Variants in VGLL4 observed in about 807,000 individuals in gnomAD.
The protein encoded by VGLL4 is transcription cofactor vestigial-like protein 4.
VGLL4 carries 7 observed loss-of-function variants against 21.0 expected under a neutral mutation model. The ratio of observed to expected loss-of-function variants is 0.33; its 90% CI spans 0.19 to 0.63. The LOEUF (loss-of-function observed/expected upper bound fraction) is 0.63, where lower values mean the gene tolerates loss of function less well. Ranked by LOEUF, VGLL4 falls within the 20% of genes least tolerant of loss-of-function variation. VGLL4 has a pLI of 0.78. For synonymous variants in VGLL4, 222 were observed against 173.2 expected (o/e 1.28, Z -2.21); for missense variants, 394 against 425.7 (o/e 0.93, Z 0.66).
chr3:11,673,674 C>T (rs2076247649), intron 2 of VGLL4, among the ~76,000 whole-genome samples: 1 of 152,104 alleles, frequency 6.6e-6, no homozygotes, highest in South Asian at 2.1e-4. Flanking sequence ...AACAGAAGAT[C>T]CCAACAGTTT....
intron 2 of VGLL4, among the ~76,000 whole-genome samples, chr3:11,600,080 G>C (rs73025160): frequency 0.11 from 16,428 of 152,070 alleles, 1,166 homozygotes; most frequent in East Asian, 0.25. Context: ...ATCATAACCA[G>C]TATCTGAACA....
chr3:11,622,163 A>C lies in VGLL4; in HGVS notation c.83-20141T>G, dbSNP rs558475597. On this transcript the variant is annotated intron_variant, in intron 1 of 4. Transcript: ENST00000430365. ...GGTACCAACAAGAAACCTTTACAAA[A>C]ACCTAACCTTCATCTTACATCTTTT... is the stretch of plus-strand genomic sequence containing the variant. 4.6e-5 allele frequency among the ~76,000 whole-genome samples: 7 copies of C among 152,320 alleles called. No homozygotes were observed. In the South Asian group the frequency reaches 1.5e-3, roughly 32 times the overall value.
At chr3:11,705,376 G>A (rs1191924891) in intron 1 of VGLL4, among the ~76,000 whole-genome samples, 1 of 152,208 alleles carries the variant, frequency 6.6e-6, no homozygotes, top group African/African-American at 2.4e-5. Flanking sequence ...GGCAGGCAGA[G>A]AGAGGAGGGG....
chr3:11,563,683 CTG>C (rs1428975490), intron 3 of VGLL4, among the ~76,000 whole-genome samples: 1 of 152,244 alleles, frequency 6.6e-6, no homozygotes, highest in Non-Finnish European at 1.5e-5. Context: ...CAGACTAAAA[CTG>C]AGCGTGCTGA....
rs566136403 is a variant in VGLL4, at chr3:11,661,828, G to C, written c.64+41143C>G. Among the ~76,000 whole-genome samples the C allele has an allele frequency of 6.6e-5, 10 of 152,274 alleles. No individual in the cohort carries two copies. In the East Asian group the frequency reaches 1.9e-3, roughly 29 times the overall value. ...AATAGGCATAGCCTCCCTGAAACAG[G>C]AACTCAAATAAGAAACAGGACAACA... On this transcript the variant is annotated intron_variant, in intron 2 of 5. Transcript: ENST00000273038.
chr3:11,637,473 T>G (rs2075610303), intron 1 of VGLL4, among the ~76,000 whole-genome samples: 1 of 152,210 alleles, frequency 6.6e-6, no homozygotes, highest in East Asian at 1.9e-4. Context: ...GAGTGAAATA[T>G]TAAGAGTTTG....
intron 1 of VGLL4, chr3:11,710,493 G>A (rs972009749): frequency 2.0e-5 from 3 of 152,194 alleles, no homozygotes; most frequent in Non-Finnish European, 4.4e-5. Context: ...GGCCAGGGGG[G>A]TGAGCATCGG....
At chr3:11,598,898 A>G (rs2074711664) in intron 2 of VGLL4, among the ~76,000 whole-genome samples, 1 of 152,260 alleles carries the variant, frequency 6.6e-6, no homozygotes, top group Non-Finnish European at 1.5e-5. Flanking sequence ...CTAAGAAGAT[A>G]AAGCACAAAA....
chr3:11,570,746 T>A (rs1478303423), intron 2 of VGLL4, among the ~76,000 whole-genome samples: 1 of 152,196 alleles, frequency 6.6e-6, no homozygotes, highest in Admixed American at 6.5e-5. Context: ...TGGTGAGATG[T>A]CTTCTCCCTT....
In VGLL4 at chr3:11,556,242, G is replaced by GGGAAGAACTTCAC. The variant is rs2072394372; in HGVS notation, c.*2301_*2313dup. The stretch of plus-strand genomic sequence containing the variant: ...AGCGCACTGCAGGCAGCGCGGCTCT[G>GGGAAGAACTTCAC]GGAAGAACTTCACGGAGCCCCTTCT... On this transcript the variant is annotated 3_prime_UTR_variant, in exon 5 of 5. Transcript: ENST00000430365. 1 of 152,590 alleles carries GGGAAGAACTTCAC rather than the reference G, an allele frequency of 6.6e-6. No individual in the cohort carries two copies. Among genetic ancestry groups the GGGAAGAACTTCAC allele is most frequent in the South Asian group, 2.1e-4 (1 of 4,822 alleles). The allele number at this position is 152,590 out of a possible 1,614,324, so 9.5% of individuals were successfully genotyped here.
intron 2 of VGLL4, among the ~76,000 whole-genome samples, chr3:11,663,471 C>G (rs1335575189): frequency 6.6e-6 from 1 of 152,202 alleles, no homozygotes. Context: ...GCGATACCAG[C>G]ACTTAGGGAG....
At position 11,564,784 on chromosome 3, in the gene VGLL4, G is replaced by A. The variant is rs924393902; in HGVS notation, c.495+13C>T. 5 of 1,531,442 alleles carry A rather than the reference G, an allele frequency of 3.3e-6. No homozygotes were observed. The highest frequency in any genetic ancestry group is 2.0e-5 in the Admixed American group (1 of 50,674). The allele number at this position is 1,531,442 out of a possible 1,614,324, so 94.9% of individuals were successfully genotyped here. ...CTGGACTCCCCACGCCACCCTCCCA[G>A]ACAGAGGCCCACCTGCTGCCGCTCC... is the stretch of plus-strand genomic sequence containing the variant. On this transcript the variant is annotated intron_variant, in intron 3 of 4. Coordinates refer to ENST00000430365, the MANE Select transcript of VGLL4 (RefSeq NM_001128219.3).
At chr3:11,560,829 G>C (rs879494461) in intron 3 of VGLL4, among the ~76,000 whole-genome samples, 8 of 152,144 alleles carry the variant, frequency 5.3e-5, no homozygotes, top group Non-Finnish European at 1.2e-4. Context: ...GAGAGAACCC[G>C]GGCAGGTGGA....
intron 2 of VGLL4, among the ~76,000 whole-genome samples, chr3:11,573,772 T>C (rs2073947569): frequency 6.6e-6 from 1 of 152,240 alleles, no homozygotes; most frequent in African/African-American, 2.4e-5. Context: ...CTGTAATGGG[T>C]TGAACTGTGT....
At chr3:11,641,112 C>T (rs2075680367) in intron 1 of VGLL4, among the ~76,000 whole-genome samples, 1 of 86,564 alleles carries the variant, frequency 1.2e-5, no homozygotes, top group Admixed American at 1.6e-4. Context: ...AGCGAGACTT[C>T]ATCACCAAAA....
chr3:11,662,168 A>G (rs116385345), intron 2 of VGLL4, among the ~76,000 whole-genome samples: 1 of 152,202 alleles, frequency 6.6e-6, no homozygotes. Context: ...ACAGGGCCAC[A>G]TAACAAGAAA....
intron 1 of VGLL4, among the ~76,000 whole-genome samples, chr3:11,617,700 C>T (rs571865198): frequency 1.3e-5 from 2 of 152,304 alleles, no homozygotes; most frequent in South Asian, 2.1e-4. Context: ...TTGACCCTTC[C>T]TTCGTATAAA....
rs1452375273 is a variant in VGLL4, at chr3:11,558,106, T to C, written c.*450A>G. The C allele has an allele frequency of 1.7e-5, 3 of 179,458 alleles. No homozygotes were observed. Among genetic ancestry groups the C allele is most frequent in the Non-Finnish European group, 3.6e-5 (3 of 83,358 alleles). The allele number at this position is 179,458 out of a possible 1,614,324, so 11.1% of individuals were successfully genotyped here. A position where few individuals can be genotyped will look rare whatever the true frequency, so the allele number is the denominator to read the frequency against. On this transcript the variant is annotated 3_prime_UTR_variant, in exon 5 of 5. Transcript: ENST00000430365. ...CAGACACGACAGTTCTCTTCAAGTA[T>C]ACACACGCACACACATGGACCGAAC...
intron 1 of VGLL4, among the ~76,000 whole-genome samples, chr3:11,619,665 G>A (rs1401243463): frequency 6.6e-6 from 1 of 152,180 alleles, no homozygotes; most frequent in Non-Finnish European, 1.5e-5. Flanking sequence ...GCTGGGGAAG[G>A]AAGGTTGGAA....
Sources: gnomAD v4.1 joint callset for allele counts (sites outside exome capture counted in the v4.1 genomes callset) on GRCh38, gnomAD v4.1.1 for gene constraint, MANE v1.5 for transcripts, NCBI Gene and HGNC (gene_info 2026-07-23, HGNC 2026-07-21) for gene names.